Variants in RBFOX3 observed in about 807,000 individuals in gnomAD.
The protein encoded by RBFOX3 is RNA binding fox-1 homolog 3, also known as RNA binding protein fox-1 homolog 3.
RBFOX3 carries 17 observed loss-of-function variants against 48.7 expected under a neutral mutation model. That is an observed-to-expected ratio of 0.35 (90% CI 0.24 to 0.52). The LOEUF (loss-of-function observed/expected upper bound fraction) is 0.52. RBFOX3 is among the 20% of genes least tolerant of loss of function. The pLI, the probability that RBFOX3 is intolerant of heterozygous loss-of-function variation, is 0.94. For missense variants in RBFOX3, 382 were observed against 497.5 expected (o/e 0.77, Z 2.21); for synonymous variants, 212 against 209.5 (o/e 1.01, Z -0.10).
At chr17:79,278,794 C>T (rs934494566) in intron 3 of RBFOX3, among the ~76,000 whole-genome samples, 1 of 152,250 alleles carries the variant, frequency 6.6e-6, no homozygotes, top group Non-Finnish European at 1.5e-5. Context: ...ATAGCCAGGG[C>T]ACATGATGCC....
At chr17:79,263,467 C>A (rs374691717) in intron 3 of RBFOX3, among the ~76,000 whole-genome samples, 1 of 152,244 alleles carries the variant, frequency 6.6e-6, no homozygotes, top group African/African-American at 2.4e-5. Flanking sequence ...TTTTACCAGT[C>A]GTGGCGGGGC....
rs2093008140 is a variant in RBFOX3 at position 79,580,200 on chromosome 17, A to G, written c.-320+30626T>C. ...TAAGGGTTTGTCTTACCTGCAGTCC[A>G]CCCAGTCCCTGCCCCAGTCCCACCA... is the stretch of plus-strand genomic sequence containing the variant. On this transcript the variant is annotated intron_variant, in intron 1 of 14. Coordinates refer to ENST00000693108, the MANE Select transcript of RBFOX3 (RefSeq NM_001350451.2). 2.7e-5 allele frequency among the ~76,000 whole-genome samples: 4 copies of G among 148,520 alleles called. No individual in the cohort carries two copies. In the South Asian group the frequency reaches 8.6e-4, roughly 32 times the overall value.
At chr17:79,180,334 T>C (rs1022564541) in intron 4 of RBFOX3, among the ~76,000 whole-genome samples, 3 of 152,248 alleles carry the variant, frequency 2.0e-5, no homozygotes, top group Non-Finnish European at 2.9e-5. Flanking sequence ...TGAAAGACTA[T>C]AGGCTTAGAA....
chr17:79,225,742 C>T (rs115591770), intron 4 of RBFOX3, among the ~76,000 whole-genome samples: 1 of 152,188 alleles, frequency 6.6e-6, no homozygotes, highest in African/African-American at 2.4e-5. Flanking sequence ...GTCCCTTCTG[C>T]CTCAGCAGCA....
intron 2 of RBFOX3, among the ~76,000 whole-genome samples, chr17:79,429,118 G>A (rs782519974): frequency 1.1e-4 from 16 of 152,286 alleles, no homozygotes; most frequent in African/African-American, 3.1e-4. Flanking sequence ...CCAGGTCCAC[G>A]TGCTGTGCAC....
chr17:79,293,410 CCCTTCCTT>C (rs536224921), intron 3 of RBFOX3, among the ~76,000 whole-genome samples: 3,320 of 80,206 alleles, frequency 0.041, 85 homozygotes, highest in Non-Finnish European at 0.045. Context: ...TCCCCTCCAC[CCCTTCCTT>C]CCTTCCTTCC....
chr17:79,237,804 T>A (rs968271722), intron 3 of RBFOX3, among the ~76,000 whole-genome samples: 2 of 152,112 alleles, frequency 1.3e-5, no homozygotes, highest in Non-Finnish European at 2.9e-5. Context: ...CGTGGAGCCA[T>A]CTCCACACAC....
intron 9 of RBFOX3, among the ~76,000 whole-genome samples, chr17:79,100,838 C>G (rs978984925): frequency 6.6e-6 from 1 of 152,170 alleles, no homozygotes. Context: ...CACTTAGCGT[C>G]GGCAGATCCA....
chr17:79,091,237 C>T (rs556510857), intron 14 of RBFOX3, among the ~76,000 whole-genome samples: 35 of 152,274 alleles, frequency 2.3e-4, no homozygotes, highest in African/African-American at 5.3e-4. Flanking sequence ...GGGCCCCCCA[C>T]GGCAAGGGCC....
At chr17:79,166,979 G>A (rs2048130824) in intron 4 of RBFOX3, among the ~76,000 whole-genome samples, 1 of 152,112 alleles carries the variant, frequency 6.6e-6, no homozygotes, top group South Asian at 2.1e-4. Flanking sequence ...ATGCCTCCGG[G>A]GGCCCAGAGA....
chr17:79,551,132 C>A (rs2091105380), intron 1 of RBFOX3, among the ~76,000 whole-genome samples: 1 of 152,122 alleles, frequency 6.6e-6, no homozygotes, highest in African/African-American at 2.4e-5. Context: ...TTTCAACACA[C>A]CTTGCTGGTA....
chr17:79,457,066 A>G (rs4503832), intron 2 of RBFOX3, among the ~76,000 whole-genome samples: 83,148 of 152,176 alleles, frequency 0.55, 23,066 homozygotes, highest in Middle Eastern at 0.6. Context: ...CACACGTGGC[A>G]CAGGTGTAGA....
chr17:79,518,950 C>T (rs1648684744), intron 1 of RBFOX3, among the ~76,000 whole-genome samples: 1 of 152,214 alleles, frequency 6.6e-6, no homozygotes, highest in African/African-American at 2.4e-5. Context: ...AGGGCCGAGG[C>T]GGCCACGGCC....
At chr17:79,610,678 C>T (rs2093952105) in intron 1 of RBFOX3, among the ~76,000 whole-genome samples, 148 bp downstream of exon 1, 2 of 152,022 alleles carry the variant, frequency 1.3e-5, no homozygotes, top group Non-Finnish European at 2.9e-5. Context: ...CCCCACGCGC[C>T]CTCGGGTCAG....
the RBFOX3 span, among the ~76,000 whole-genome samples, chr17:79,627,965 A>G: frequency 7.7e-6 from 1 of 130,360 alleles, no homozygotes; most frequent in African/African-American, 2.9e-5. Context: ...AGCCCCCATC[A>G]CTCCCCTGGG....
intron 1 of RBFOX3, among the ~76,000 whole-genome samples, chr17:79,605,437 C>A (rs2093805679): frequency 2.6e-5 from 4 of 152,166 alleles, no homozygotes. Context: ...CAGCTGGCTT[C>A]CACTCACAGC....
chr17:79,461,825 G>T (rs1355273000), intron 2 of RBFOX3, among the ~76,000 whole-genome samples: 1 of 152,232 alleles, frequency 6.6e-6, no homozygotes, highest in African/African-American at 2.4e-5. Flanking sequence ...AAGGCCATGT[G>T]ACACAGAGGT....
intron 2 of RBFOX3, among the ~76,000 whole-genome samples, chr17:79,399,517 G>A (rs1338832341): frequency 6.6e-6 from 1 of 152,100 alleles, no homozygotes; most frequent in Non-Finnish European, 1.5e-5. Flanking sequence ...GTGGTTCAGG[G>A]AGGACTTTTC....
intron 2 of RBFOX3, among the ~76,000 whole-genome samples, chr17:79,337,988 G>A (rs2081458841): frequency 6.6e-6 from 1 of 151,150 alleles, no homozygotes; most frequent in African/African-American, 2.4e-5. Context: ...ACCCAGGTTG[G>A]AGCGCAGTGG....
Sources: allele counts gnomAD v4.1 joint callset (sites outside exome capture counted in the v4.1 genomes callset), GRCh38; gene constraint gnomAD v4.1.1; transcripts MANE v1.5; gene names NCBI Gene and HGNC (gene_info 2026-07-23, HGNC 2026-07-21).